PDE4D: variants seen among roughly 807,000 people sequenced by gnomAD.
PDE4D encodes 3',5'-cyclic-AMP phosphodiesterase 4D.
PDE4D carries 24 observed loss-of-function variants against 87.4 expected under a neutral mutation model. That is an observed-to-expected ratio of 0.27 (90% CI 0.20 to 0.39). The LOEUF is 0.39. Ranked by LOEUF, PDE4D falls within the 10% of genes least tolerant of loss-of-function variation. The pLI, the probability that PDE4D is intolerant of heterozygous loss-of-function variation, is 1.00. For synonymous variants in PDE4D, 384 were observed against 383.2 expected (o/e 1.00, Z -0.02); for missense variants, 714 against 1,041.0 (o/e 0.69, Z 4.32).
At chr5:59,359,221 T>C (rs1175359295) in intron 1 of PDE4D, among the ~76,000 whole-genome samples, 2 of 152,152 alleles carry the variant, frequency 1.3e-5, no homozygotes, top group Non-Finnish European at 2.9e-5. Context: ...TTCCTTCTTT[T>C]CCCCCTGCTT....
chr5:59,115,051 G>A (rs559583670), intron 5 of PDE4D, among the ~76,000 whole-genome samples: 1 of 152,052 alleles, frequency 6.6e-6, no homozygotes, highest in Non-Finnish European at 1.5e-5. Context: ...CCATCAAAGA[G>A]TAGGTCAAAG....
intron 3 of PDE4D, among the ~76,000 whole-genome samples, chr5:59,935,493 G>T (rs889518784): frequency 2.6e-5 from 4 of 152,136 alleles, no homozygotes; most frequent in Non-Finnish European, 5.9e-5. Flanking sequence ...AACATACAGA[G>T]AAATGAACCG....
At chr5:59,869,621 A>G (rs1431213712) in intron 1 of PDE4D, among the ~76,000 whole-genome samples, 4 of 152,172 alleles carry the variant, frequency 2.6e-5, no homozygotes, top group African/African-American at 4.8e-5. Context: ...GTGGCCTTGC[A>G]TCTAGCATAA....
At chr5:59,313,257 T>C (rs937984128) in intron 1 of PDE4D, among the ~76,000 whole-genome samples, 1 of 152,192 alleles carries the variant, frequency 6.6e-6, no homozygotes, top group African/African-American at 2.4e-5. Flanking sequence ...CAGGAGCAAG[T>C]AGCAACCCCT....
chr5:59,768,837 C>A (rs1763149148), intron 1 of PDE4D, among the ~76,000 whole-genome samples: 1 of 152,214 alleles, frequency 6.6e-6, no homozygotes. Context: ...ACTATTGGAA[C>A]TAATGCGCCG....
intron 1 of PDE4D, among the ~76,000 whole-genome samples, chr5:59,762,207 TATATGTGTATATGGGTACACATATGC>T (rs1762066198): frequency 2.2e-5 from 3 of 134,174 alleles, no homozygotes; most frequent in Non-Finnish European, 5.1e-5. Flanking sequence ...CACATATGCG[TATATGTGTATATGGGTACACATATGC>T]GTATATGTGT....
chr5:59,160,206 A>G (rs1171732789), intron 5 of PDE4D, among the ~76,000 whole-genome samples: 2 of 152,232 alleles, frequency 1.3e-5, no homozygotes, highest in Non-Finnish European at 2.9e-5. Flanking sequence ...CTTAGAATCC[A>G]GGTCTTAACC....
At chr5:59,326,477 G>A (rs887958819) in intron 1 of PDE4D, among the ~76,000 whole-genome samples, 5 of 151,626 alleles carry the variant, frequency 3.3e-5, no homozygotes, top group Non-Finnish European at 5.9e-5. Flanking sequence ...TTAAAATATG[G>A]CTAGTCCAAA....
chr5:59,001,464 T>C (rs755137337), intron 6 of PDE4D, among the ~76,000 whole-genome samples: 17 of 152,192 alleles, frequency 1.1e-4, no homozygotes, highest in Non-Finnish European at 1.8e-4. Flanking sequence ...TTAACATCTG[T>C]TGTATTCATT....
At chr5:60,242,894 T>TA (rs1355366384) in intron 1 of PDE4D, among the ~76,000 whole-genome samples, 3 of 150,838 alleles carry the variant, frequency 2.0e-5, no homozygotes, top group African/African-American at 7.3e-5. Context: ...AAACTTCAAA[T>TA]AAAAAAACCC....
At chr5:59,988,414 A>G in intron 3 of PDE4D, 1 of 956,302 alleles carries the variant, frequency 1.0e-6, no homozygotes, top group Non-Finnish European at 1.5e-6. Context: ...ATGAGCCACA[A>G]AAACTCAAAA....
intron 5 of PDE4D, among the ~76,000 whole-genome samples, chr5:59,106,784 A>C (rs538468367): frequency 5.9e-5 from 9 of 152,188 alleles, no homozygotes; most frequent in Non-Finnish European, 1.2e-4. Context: ...ACCAAAAAAC[A>C]CCACACCATT....
chr5:59,053,645 G>GTTTTTTT lies in PDE4D; in HGVS notation c.809-14681_809-14675dup, dbSNP rs1338731940. 9.7e-4 allele frequency among the ~76,000 whole-genome samples: 67 copies of GTTTTTTT among 68,776 alleles called. 3 individuals carry two copies. The highest frequency in any genetic ancestry group is 1.9e-3 in the East Asian group (3 of 1,610). The allele number at this position is 68,776 out of a possible 152,430, so 45.1% of individuals were successfully genotyped here. The stretch of plus-strand genomic sequence containing the variant: ...TATGAATTAAGTTGTTTTGTTTTTT[G>GTTTTTTT]TTTTTTTTTGTTGTTGTTTTTTTTT... On this transcript the variant is annotated intron_variant, in intron 5 of 14. Coordinates refer to ENST00000340635, the MANE Select transcript of PDE4D (RefSeq NM_001104631.2).
At chr5:59,147,326 G>C (rs16889274) in intron 5 of PDE4D, among the ~76,000 whole-genome samples, 1,738 of 152,128 alleles carry the variant, frequency 0.011, 29 homozygotes, top group African/African-American at 0.04. Flanking sequence ...TACAATGGAG[G>C]GTAAAGGACA....
In PDE4D at chr5:60,435,849, G is replaced by A. The variant is rs571107257; in HGVS notation, c.-90+52093C>T. On this transcript the variant is annotated intron_variant, in intron 1 of 16. Transcript: ENST00000502484. ...GAGAGAATCATTTAGGACAAGTTGA[G>A]TGTTCTTCCATTGCAGACTTTCTTA... Among the ~76,000 whole-genome samples the A allele has an allele frequency of 1.1e-4, 16 of 152,140 alleles. No individual in the cohort carries two copies. The East Asian group carries it at 3.1e-3, about 29-fold the overall frequency.
chr5:59,200,112 CACAT>C (rs1233855346), intron 2 of PDE4D, among the ~76,000 whole-genome samples: 3 of 147,268 alleles, frequency 2.0e-5, no homozygotes, highest in Non-Finnish European at 3.0e-5. Flanking sequence ...TGTATGCACA[CACAT>C]ACATGCATGT....
At chr5:60,294,665 A>C (rs929811222) in intron 1 of PDE4D, among the ~76,000 whole-genome samples, 1 of 152,196 alleles carries the variant, frequency 6.6e-6, no homozygotes, top group Non-Finnish European at 1.5e-5. Context: ...AAATCAATTT[A>C]CTTTATAAAT....
intron 5 of PDE4D, among the ~76,000 whole-genome samples, chr5:59,147,838 T>C (rs1237766510): frequency 1.3e-5 from 2 of 152,178 alleles, no homozygotes; most frequent in African/African-American, 2.4e-5. Context: ...TTTGGTTAGG[T>C]TACTTGTTAA....
intron 1 of PDE4D, among the ~76,000 whole-genome samples, chr5:59,331,349 G>C (rs1776697153): frequency 1.3e-5 from 2 of 152,090 alleles, no homozygotes; most frequent in African/African-American, 4.8e-5. Context: ...CTTGTAGATG[G>C]CCATCTTCTC....
Sources: allele counts gnomAD v4.1 joint callset (sites outside exome capture counted in the v4.1 genomes callset), GRCh38; gene constraint gnomAD v4.1.1; transcripts MANE v1.5; gene names NCBI Gene and HGNC (gene_info 2026-07-23, HGNC 2026-07-21).